The following CSMD1 variants were observed in gnomAD, a reference collection of about 807,000 sequenced individuals.
CSMD1 encodes CUB and Sushi multiple domains 1.
CSMD1 carries 213 observed loss-of-function variants against 417.5 expected under a neutral mutation model. That is an observed-to-expected ratio of 0.51 (90% CI 0.46 to 0.57). The LOEUF (loss-of-function observed/expected upper bound fraction) is 0.57, where lower values mean the gene tolerates loss of function less well. Ranked by LOEUF, CSMD1 falls within the 20% of genes least tolerant of loss-of-function variation. The probability of loss-of-function intolerance (pLI) is 0.00; values close to 1 mark genes in which losing one functional copy is unlikely to be tolerated. For synonymous variants in CSMD1, 2,862 were observed against 1,736.8 expected (o/e 1.65, Z -16.11); for missense variants, 6,923 against 4,529.7 (o/e 1.53, Z -15.17).
At chr8:4,810,912 C>T (rs1014040456) in intron 1 of CSMD1, among the ~76,000 whole-genome samples, 1 of 152,094 alleles carries the variant, frequency 6.6e-6, no homozygotes, top group Admixed American at 6.6e-5. Flanking sequence ...TTAACTGCTA[C>T]CTCTCCTGAA....
chr8:3,705,973 C>G (rs773979848), intron 7 of CSMD1, among the ~76,000 whole-genome samples: 6 of 152,224 alleles, frequency 3.9e-5, no homozygotes, highest in Non-Finnish European at 7.3e-5. Context: ...GAACGTAAAG[C>G]ACTTTCATAC....
chr8:3,690,709 T>C (rs1028529590), intron 7 of CSMD1, among the ~76,000 whole-genome samples: 2 of 152,188 alleles, frequency 1.3e-5, no homozygotes, highest in Non-Finnish European at 2.9e-5. Flanking sequence ...AGCGCATAGC[T>C]GATACATCTT....
intron 1 of CSMD1, among the ~76,000 whole-genome samples, chr8:4,883,553 T>C (rs1803546538): frequency 6.6e-6 from 1 of 152,120 alleles, no homozygotes; most frequent in Admixed American, 6.5e-5. Flanking sequence ...ATTTGCCAAT[T>C]CCAAGCATTT....
At chr8:3,387,424 C>G in intron 18 of CSMD1, 70 bp downstream of exon 18, 3 of 1,330,706 alleles carry the variant, frequency 2.3e-6, no homozygotes, top group South Asian at 2.8e-5. Flanking sequence ...CACACACCAC[C>G]CAGCTAGTTA....
At chr8:4,785,925 T>C (rs750029996) in intron 1 of CSMD1, among the ~76,000 whole-genome samples, 18 of 152,108 alleles carry the variant, frequency 1.2e-4, no homozygotes, top group Non-Finnish European at 1.5e-4. Flanking sequence ...TGAACCCTCC[T>C]CAGTCATGCC....
intron 12 of CSMD1, among the ~76,000 whole-genome samples, chr8:3,446,450 T>C (rs1188140931): frequency 6.6e-6 from 1 of 152,252 alleles, no homozygotes; most frequent in Non-Finnish European, 1.5e-5. Flanking sequence ...TTATGATTCC[T>C]ACTTTGTAGA....
At chr8:3,720,909 G>A (rs137894301) in intron 6 of CSMD1, among the ~76,000 whole-genome samples, 410 of 152,026 alleles carry the variant, frequency 2.7e-3, no homozygotes, top group African/African-American at 9.4e-3. Flanking sequence ...TCCGCTTCCC[G>A]GGTTCAAGTG....
chr8:4,200,231 A>T (rs1257795407), intron 3 of CSMD1, among the ~76,000 whole-genome samples: 1 of 152,224 alleles, frequency 6.6e-6, no homozygotes, highest in Non-Finnish European at 1.5e-5. Flanking sequence ...CCAGCATTTC[A>T]AAACAATTCC....
intron 21 of CSMD1, among the ~76,000 whole-genome samples, chr8:3,348,605 A>T (rs1202621327): frequency 6.6e-6 from 1 of 152,184 alleles, no homozygotes; most frequent in Non-Finnish European, 1.5e-5. Flanking sequence ...TATGGCATCA[A>T]CTGGGACGCA....
In CSMD1 at chr8:3,346,720, G is replaced by A. The variant is rs564353784; in HGVS notation, c.3474+1272C>T. Among the ~76,000 whole-genome samples the A allele has an allele frequency of 8.5e-5, 13 of 152,242 alleles. No individual in the cohort carries two copies. The South Asian group carries it at 2.5e-3, about 29-fold the overall frequency. The stretch of plus-strand genomic sequence containing the variant: ...CCATTCCAGCCATTCTGTAAAGGGA[G>A]GACACACAGTGTTTTCCCTTTTAGT... On this transcript the variant is annotated intron_variant, in intron 22 of 69. Transcript: ENST00000635120.
intron 25 of CSMD1, among the ~76,000 whole-genome samples, chr8:3,305,367 TCCA>T (rs1280785511): frequency 1.3e-5 from 2 of 152,192 alleles, no homozygotes; most frequent in Non-Finnish European, 2.9e-5. Flanking sequence ...TTTTACTGTC[TCCA>T]CCAAAACTCA....
At chr8:3,201,841 G>C (rs1366843404) in intron 31 of CSMD1, 116 bp from the exon 32 acceptor site, 20 of 347,052 alleles carry the variant, frequency 5.8e-5, no homozygotes, top group Admixed American at 1.4e-4. Flanking sequence ...CTAAGAATTT[G>C]GTAAAAAAAT....
chr8:3,961,090 C>G (rs906566189), intron 5 of CSMD1, among the ~76,000 whole-genome samples: 1 of 151,968 alleles, frequency 6.6e-6, no homozygotes, highest in Non-Finnish European at 1.5e-5. Context: ...AACTCAAAGG[C>G]TACAAAGTCT....
intron 23 of CSMD1, among the ~76,000 whole-genome samples, chr8:3,311,941 G>C (rs1233879050): frequency 1.3e-5 from 2 of 152,100 alleles, no homozygotes; most frequent in African/African-American, 2.4e-5. Flanking sequence ...TCTATGTTCA[G>C]AAATCATGGC....
chr8:4,982,905 G>C lies in CSMD1; in HGVS notation c.85+11427C>G, dbSNP rs148147465. On this transcript the variant is annotated intron_variant, in intron 1 of 69. Coordinates refer to ENST00000635120, the MANE Select transcript of CSMD1 (RefSeq NM_033225.6). ...TTTGTAACTGCAGTTGTAAAAGAAA[G>C]AGACTGATTAGCTCTTCTTTGTTCC... is the stretch of plus-strand genomic sequence containing the variant. 3.3e-5 allele frequency among the ~76,000 whole-genome samples: 5 copies of C among 152,274 alleles called. No individual in the cohort carries two copies. The East Asian group carries it at 5.8e-4, about 18-fold the overall frequency.
At chr8:4,409,876 C>T (rs1417346914) in intron 3 of CSMD1, among the ~76,000 whole-genome samples, 1 of 151,956 alleles carries the variant, frequency 6.6e-6, no homozygotes, top group Admixed American at 6.6e-5. Flanking sequence ...TGTAATGGTG[C>T]AATCTTGGCT....
At chr8:4,067,212 C>G (rs1309485404) in intron 3 of CSMD1, among the ~76,000 whole-genome samples, 2 of 152,300 alleles carry the variant, frequency 1.3e-5, no homozygotes, top group African/African-American at 2.4e-5. Context: ...ATTTTATCAT[C>G]TTTTTTCTAC....
chr8:4,465,780 T>G (rs925945172), intron 2 of CSMD1, among the ~76,000 whole-genome samples: 2 of 152,176 alleles, frequency 1.3e-5, no homozygotes, highest in African/African-American at 4.8e-5. Flanking sequence ...CCTCTGAGAA[T>G]GGGGGTGGTT....
At chr8:3,907,988 G>A (rs1387476542) in intron 5 of CSMD1, among the ~76,000 whole-genome samples, 2 of 152,106 alleles carry the variant, frequency 1.3e-5, no homozygotes, top group Non-Finnish European at 2.9e-5. Flanking sequence ...CCAGAAATGT[G>A]CTCTGATATG....
Sources: allele counts gnomAD v4.1 joint callset (sites outside exome capture counted in the v4.1 genomes callset), GRCh38; gene constraint gnomAD v4.1.1; transcripts MANE v1.5; gene names NCBI Gene and HGNC (gene_info 2026-07-23, HGNC 2026-07-21).